The following COL17A1 variants were observed in gnomAD, a reference collection of about 807,000 sequenced individuals.
COL17A1 encodes the protein collagen type XVII alpha 1 chain.
COL17A1 carries 181 observed loss-of-function variants against 218.4 expected under a neutral mutation model. The observed-to-expected ratio is 0.83, with a 90% confidence interval of 0.73 to 0.94. COL17A1 has a LOEUF of 0.94. Ranked by LOEUF, COL17A1 falls within the 40% of genes least tolerant of loss-of-function variation. The pLI, the probability that COL17A1 is intolerant of heterozygous loss-of-function variation, is 0.00. For missense variants in COL17A1, 1,924 were observed against 1,945.9 expected (o/e 0.99, Z 0.21); for synonymous variants, 721 against 731.0 (o/e 0.99, Z 0.22).
At position 104,053,148 on chromosome 10, in the gene COL17A1, A is replaced by T. The variant is rs2086487361; in HGVS notation, c.1835-13T>A. 1.2e-6 allele frequency: 2 copies of T among 1,611,576 alleles called. No individual in the cohort carries two copies. The highest frequency in any genetic ancestry group is 4.5e-5 in the East Asian group (2 of 44,844). On this transcript the variant is annotated splice_polypyrimidine_tract_variant and intron_variant, in intron 22 of 55. Transcript: ENST00000648076. ...ATGCCAGGATCTCCTAAAGACAGGG[A>T]TGGCCAGCCTCCAAGTCAGGATCCC...
At chr10:104,070,950 C>T (rs912901385) in intron 8 of COL17A1, among the ~76,000 whole-genome samples, 1 of 152,186 alleles carries the variant, frequency 6.6e-6, no homozygotes, top group African/African-American at 2.4e-5. Flanking sequence ...TCATCCCCTG[C>T]ACAGGATGCA....
chr10:104,055,032 T>C, intron 19 of COL17A1, 25 bp from the exon 20 acceptor site: 1 of 1,613,958 alleles, frequency 6.2e-7, no homozygotes, highest in Non-Finnish European at 8.5e-7. Context: ...ATATGAAAAC[T>C]GTGAGATGGG....
At position 104,073,236 on chromosome 10, in the gene COL17A1, G is replaced by A. The variant is rs1460614904; in HGVS notation, c.389C>T (p.Ser130Leu). 6.2e-7 allele frequency: 1 copy of A among 1,613,826 alleles called. No individual in the cohort carries two copies. Among genetic ancestry groups the A allele is most frequent in the Non-Finnish European group, 8.5e-7 (1 of 1,179,816 alleles). The part of the protein sequence containing the change: ...EYPRKEFASS[S>L]TRGRSQTRES... ...TCGTGTTTGACTCCGTCCTCTGGTT[G>A]AAGAAGATGCTGAGAAACAAAGAAA... Residue 130 changes from serine (S) to leucine (L), a missense_variant, in exon 7 of 56, where the codon TCA (serine) becomes TTA (leucine). Physicochemically the swap from Ser to Leu is moderately radical, Grantham distance 145. Transcript: ENST00000648076.
chr10:104,082,470 A>T (rs1040151245), intron 1 of COL17A1, among the ~76,000 whole-genome samples: 1 of 152,200 alleles, frequency 6.6e-6, no homozygotes, highest in Non-Finnish European at 1.5e-5. Flanking sequence ...ATTTGGGGAG[A>T]TTAAACCTTT....
At chr10:104,055,296 G>A in intron 19 of COL17A1, 76 bp downstream of exon 19, 1 of 1,605,426 alleles carries the variant, frequency 6.2e-7, no homozygotes, top group South Asian at 1.1e-5. Context: ...AAAGAAAAAG[G>A]CTTCTAATCT....
Position 104,035,354 on chromosome 10 carries a change from G to A in COL17A1, c.3528C>T (p.Ile1176=), listed in dbSNP as rs562330928. 2.1e-5 allele frequency: 34 copies of A among 1,614,190 alleles called. No individual in the cohort carries two copies. The highest frequency in any genetic ancestry group is 1.1e-4 in the East Asian group (5 of 44,884). The change falls in exon 50 of 56, where the codon ATC becomes ATT. Residue 1176 remains isoleucine (I), a synonymous_variant. Coordinates refer to ENST00000648076, the MANE Select transcript of COL17A1 (RefSeq NM_000494.4). The part of the protein sequence containing the change: ...SLLRGSEFRG[I]VGPPGPPGPP... ...GACCCGGGGGACCTGGGGGTCCAAC[G>A]ATGCCTCTGAATTCAGACCCTGAGA...
intron 40 of COL17A1, 52 bp from the exon 41 acceptor site, chr10:104,040,051 G>C (rs2086343085): frequency 1.2e-6 from 2 of 1,602,494 alleles, no homozygotes; most frequent in Middle Eastern, 1.7e-4. Context: ...AGGTGTTGTG[G>C]TTTCAATGGG....
Position 104,060,346 on chromosome 10 carries a change from A to G in COL17A1, c.980-66T>C, listed in dbSNP as rs1213679919. The G allele has an allele frequency of 6.9e-6, 11 of 1,600,576 alleles. No individual in the cohort carries two copies. In the African/African-American group the frequency reaches 1.1e-4, roughly 16 times the overall value. On this transcript the variant is annotated intron_variant, in intron 13 of 55. Coordinates refer to ENST00000648076, the MANE Select transcript of COL17A1 (RefSeq NM_000494.4). Reference sequence around the variant, plus strand: ...CAGGAGAAGGGAGAGGGGAGAAAAGACAAGAAGAGGAAGGAGAAGAAAGAG... The same window carrying G: ...CAGGAGAAGGGAGAGGGGAGAAAAGGCAAGAAGAGGAAGGAGAAGAAAGAG...
At position 104,034,098 on chromosome 10, in the gene COL17A1, C is replaced by A. The variant is rs2086245016; in HGVS notation, c.4003G>T (p.Gly1335Cys). The A allele has an allele frequency of 3.1e-6, 5 of 1,614,144 alleles. No individual in the cohort carries two copies. Among genetic ancestry groups the A allele is most frequent in the Non-Finnish European group, 4.2e-6 (5 of 1,180,042 alleles). ...GAFGEAAGDR[G>C]PYGTDIGPGG... ...GGGCCGATGTCAGTGCCATAGGGACCCCTGTCTCCTGCAGCTTCACCAAAG... is the reference window on the plus strand; with the variant it reads ...GGGCCGATGTCAGTGCCATAGGGACACCTGTCTCCTGCAGCTTCACCAAAG... Residue 1335 changes from glycine (G) to cysteine (C), a missense_variant, in exon 52 of 56, where the codon GGT (glycine) becomes TGT (cysteine). Gly to Cys is a radical substitution (Grantham distance 159, BLOSUM62 -3). Coordinates refer to ENST00000648076, the MANE Select transcript of COL17A1 (RefSeq NM_000494.4).
chr10:104,043,635 G>A (rs2086382539), intron 34 of COL17A1, 54 bp from the exon 35 acceptor site: 17 of 1,593,768 alleles, frequency 1.1e-5, no homozygotes, highest in South Asian at 6.6e-5. Flanking sequence ...ACTCAGAGGC[G>A]CTGGGACCCA....
intron 17 of COL17A1, among the ~76,000 whole-genome samples, chr10:104,056,299 C>A (rs2086524716): frequency 6.6e-6 from 1 of 152,136 alleles, no homozygotes; most frequent in African/African-American, 2.4e-5. Flanking sequence ...ATAGATATGG[C>A]TGGCCAGGCG....
At chr10:104,042,076 G>T (rs1036583403) in intron 36 of COL17A1, among the ~76,000 whole-genome samples, 2 of 152,188 alleles carry the variant, frequency 1.3e-5, no homozygotes, top group African/African-American at 4.8e-5. Context: ...CTCCACCTGG[G>T]CTCCTTAAAG....
At chr10:104,056,772 CACT>C (rs2086532340) in intron 17 of COL17A1, among the ~76,000 whole-genome samples, 200 bp downstream of exon 17, 1 of 152,110 alleles carries the variant, frequency 6.6e-6, no homozygotes, top group South Asian at 2.1e-4. Context: ...TCAGCTCCAC[CACT>C]AAGTGGCAGC....
chr10:104,064,513 T>C lies in COL17A1; in HGVS notation c.691A>G (p.Met231Val), dbSNP rs1182259359. 11 of 1,614,134 alleles carry C rather than the reference T, an allele frequency of 6.8e-6. No homozygotes were observed. Among genetic ancestry groups the C allele is most frequent in the East Asian group, 2.2e-5 (1 of 44,872 alleles). ...GTCATGTTGTTGTGATAGGTCCCCATGGAGGACCCCGCGGGCAGGGTGGAG... is the reference window on the plus strand; with the variant it reads ...GTCATGTTGTTGTGATAGGTCCCCACGGAGGACCCCGCGGGCAGGGTGGAG... The part of the protein sequence containing the change: ...WSSTLPAGSS[M>V]GTYHNNMTTQ... Residue 231 changes from methionine to valine, a missense_variant, in exon 10 of 56, where the codon ATG (methionine) becomes GTG (valine). Physicochemically the swap from Met to Val is conservative, Grantham distance 21 (BLOSUM62 1). Transcript: ENST00000648076.
intron 29 of COL17A1, among the ~76,000 whole-genome samples, chr10:104,048,815 A>T (rs2086438790): frequency 6.6e-6 from 1 of 151,512 alleles, no homozygotes; most frequent in Non-Finnish European, 1.5e-5. Context: ...CTTGGGTTTG[A>T]TCCTCAACAT....
chr10:104,082,487 G>A (rs995854372), intron 1 of COL17A1, among the ~76,000 whole-genome samples: 3 of 152,162 alleles, frequency 2.0e-5, no homozygotes, highest in African/African-American at 7.2e-5. Context: ...CTTTAAATGC[G>A]CCTGGCAGTC....
chr10:104,060,074 A>G (rs1176457957), intron 14 of COL17A1, 45 bp downstream of exon 14: 1 of 1,612,650 alleles, frequency 6.2e-7, no homozygotes, highest in Non-Finnish European at 8.5e-7. Context: ...CTCCTACACT[A>G]TTTGGCTTTC....
intron 15 of COL17A1, chr10:104,059,287 G>T: frequency 3.0e-6 from 1 of 332,510 alleles, no homozygotes; most frequent in South Asian, 2.9e-5. Context: ...CAGATATTTG[G>T]GAAGAAAAAA....
Position 104,047,796 on chromosome 10 carries a change from T to G in COL17A1, c.2278A>C (p.Thr760Pro). Reference sequence around the variant, plus strand: ...GGGCCACGGATTCCAGGCATCCCAGTAAGACCTTGTTCACCTAGAGAGAGA... The same window carrying G: ...GGGCCACGGATTCCAGGCATCCCAGGAAGACCTTGTTCACCTAGAGAGAGA... ...HQGPRGEQGL[T>P]GMPGIRGPPG... is the part of the protein sequence containing the mutation. The change falls in exon 31 of 56, where the codon ACT becomes CCT. Residue 760 changes from threonine to proline, a missense_variant. Physicochemically the swap from Thr to Pro is conservative, Grantham distance 38. Transcript: ENST00000648076. The G allele has an allele frequency of 6.2e-7, 1 of 1,614,174 alleles. No individual in the cohort carries two copies. The highest frequency in any genetic ancestry group is 8.5e-7 in the Non-Finnish European group (1 of 1,180,002).
Sources: allele counts gnomAD v4.1 joint callset (sites outside exome capture counted in the v4.1 genomes callset), GRCh38; gene constraint gnomAD v4.1.1; transcripts MANE v1.5; gene names NCBI Gene and HGNC (gene_info 2026-07-23, HGNC 2026-07-21).